The following PPIH variants were observed in gnomAD, a reference collection of about 807,000 sequenced individuals.
The protein encoded by PPIH is peptidyl-prolyl cis-trans isomerase H.
Under a neutral mutation model 27.6 loss-of-function variants are expected in PPIH, and 16 were observed. The observed-to-expected ratio is 0.58, with a 90% CI of 0.39 to 0.88. PPIH has a LOEUF of 0.88. PPIH is among the 40% of genes least tolerant of loss of function. The pLI is 0.00. For missense variants in PPIH, 155 were observed against 224.1 expected (o/e 0.69, Z 1.97); for synonymous variants, 63 against 76.1 (o/e 0.83, Z 0.90).
chr1:42,662,558 GA>G (rs1003029019), intron 5 of PPIH, among the ~76,000 whole-genome samples: 95 of 140,118 alleles, frequency 6.8e-4, no homozygotes, highest in Non-Finnish European at 6.1e-4. Flanking sequence ...TGTCTAAAGG[GA>G]AAAAAAAAAA....
Position 42,660,888 on chromosome 1 carries a change from G to T in PPIH, c.227G>T (p.Gly76Val). 6.2e-7 allele frequency: 1 copy of T among 1,611,132 alleles called. No homozygotes were observed. The highest frequency in any genetic ancestry group is 8.5e-7 in the Non-Finnish European group (1 of 1,177,986). Residue 76 changes from glycine (G) to valine (V), a missense_variant, in exon 5 of 10, where the codon GGT (glycine) becomes GTT (valine). This residue lies in a region of PPIH where 96 missense variants were observed against 175.3 expected (regional missense o/e 0.55). Coordinates refer to ENST00000304979, the MANE Select transcript of PPIH (RefSeq NM_006347.4). ...HRVIKDFMIQ[G>V]GDFVNGDGTG... ...GTCATAAAGGATTTCATGATTCAGGGTGGAGATTTTGTTAATGTAAGTACT... is the reference window on the plus strand; with the variant it reads ...GTCATAAAGGATTTCATGATTCAGGTTGGAGATTTTGTTAATGTAAGTACT...
At chr1:42,660,664 A>G (rs1340402629) in intron 4 of PPIH, among the ~76,000 whole-genome samples, 198 bp from the exon 5 acceptor site, 2 of 152,168 alleles carry the variant, frequency 1.3e-5, no homozygotes, top group African/African-American at 2.4e-5. Flanking sequence ...TCCTGGCCTC[A>G]TGTGATCTGC....
chr1:42,667,525 G>T (rs990663251), intron 9 of PPIH, 85 bp downstream of exon 9: 2 of 1,178,402 alleles, frequency 1.7e-6, no homozygotes, highest in Admixed American at 4.0e-5. Context: ...TAGTCTTGAA[G>T]ACATGAGATT....
intron 5 of PPIH, among the ~76,000 whole-genome samples, chr1:42,664,581 C>G (rs974930026): frequency 3.3e-5 from 5 of 152,112 alleles, no homozygotes; most frequent in Admixed American, 2.0e-4. Context: ...TGTTGCTGTT[C>G]CCTACTTTGT....
In PPIH at chr1:42,659,512, T is replaced by A. The variant is rs1383791053; in HGVS notation, c.156-10T>A. ...GCTGTCACTCCAAGTCTCTTTCTTT[T>A]CGGTTATAGGAAAGATGGGGTTCCA... is the stretch of plus-strand genomic sequence containing the variant. On this transcript the variant is annotated splice_polypyrimidine_tract_variant and intron_variant, in intron 3 of 9. Transcript: ENST00000304979. The A allele has an allele frequency of 1.2e-6, 2 of 1,614,216 alleles. 1 individual carries two copies. The highest frequency in any genetic ancestry group is 2.2e-5 in the South Asian group (2 of 91,086).
chr1:42,679,757 C>T (rs1160997830), downstream of PPIH, among the ~76,000 whole-genome samples: 1 of 152,214 alleles, frequency 6.6e-6, no homozygotes, highest in African/African-American at 2.4e-5. Flanking sequence ...TTTAAATGTC[C>T]TCAGTGTTGG....
At chr1:42,664,842 A>T in intron 5 of PPIH, 21 bp from the exon 6 acceptor site, 3 of 1,595,338 alleles carry the variant, frequency 1.9e-6, no homozygotes, top group Non-Finnish European at 2.6e-6. Context: ...AGTCACTAAT[A>T]CTTCCCTTCT....
chr1:42,671,742 C>T (rs1231538059), intron 9 of PPIH, among the ~76,000 whole-genome samples: 1 of 152,084 alleles, frequency 6.6e-6, no homozygotes, highest in Non-Finnish European at 1.5e-5. Flanking sequence ...AGGGGTTCTA[C>T]AGATGGGCAC....
intron 6 of PPIH, 147 bp from the exon 7 acceptor site, chr1:42,665,833 G>T: frequency 6.0e-6 from 4 of 671,610 alleles, no homozygotes; most frequent in Non-Finnish European, 8.1e-6. Flanking sequence ...TTGGATCCTA[G>T]CTTAGGCCCT....
At chr1:42,670,525 G>A (rs1035261623) in intron 9 of PPIH, among the ~76,000 whole-genome samples, 10 of 151,756 alleles carry the variant, frequency 6.6e-5, no homozygotes, top group Admixed American at 2.6e-4. Flanking sequence ...AACCCTCCCC[G>A]CTCTCCCCCA....
chr1:42,668,465 T>C (rs1170992789), intron 9 of PPIH, among the ~76,000 whole-genome samples: 9 of 152,068 alleles, frequency 5.9e-5, no homozygotes, highest in Non-Finnish European at 8.8e-5. Flanking sequence ...CTTGACACTT[T>C]ACCCCTAAGT....
chr1:42,659,073 A>G (rs1419843913), intron 2 of PPIH, among the ~76,000 whole-genome samples, 155 bp from the exon 3 acceptor site: 1 of 151,992 alleles, frequency 6.6e-6, no homozygotes, highest in Non-Finnish European at 1.5e-5. Context: ...TTCCCGTGTT[A>G]ATTTACGTTG....
At chr1:42,670,506 G>C (rs995180106) in intron 9 of PPIH, among the ~76,000 whole-genome samples, 1 of 151,890 alleles carries the variant, frequency 6.6e-6, no homozygotes, top group African/African-American at 2.4e-5. Flanking sequence ...TCTGAGGGTG[G>C]GGATCATCAA....
intron 9 of PPIH, 56 bp downstream of exon 9, chr1:42,667,496 G>C: frequency 1.4e-6 from 2 of 1,423,538 alleles, no homozygotes; most frequent in Non-Finnish European, 9.8e-7. Context: ...AAGGCAGCAT[G>C]GTCTAGTGGA....
At chr1:42,661,403 T>C (rs1232180711) in intron 5 of PPIH, among the ~76,000 whole-genome samples, 1 of 152,208 alleles carries the variant, frequency 6.6e-6, no homozygotes, top group African/African-American at 2.4e-5. Context: ...GAGAGGTAGA[T>C]AGTTCTGGAG....
intron 9 of PPIH, among the ~76,000 whole-genome samples, chr1:42,669,339 T>C (rs1446171310): frequency 6.6e-6 from 1 of 152,188 alleles, no homozygotes; most frequent in Non-Finnish European, 1.5e-5. Context: ...CCTGACTTCA[T>C]GTGATGGATC....
intron 2 of PPIH, 117 bp downstream of exon 2, chr1:42,659,025 C>A: frequency 2.2e-6 from 3 of 1,344,074 alleles, no homozygotes; most frequent in Non-Finnish European, 3.1e-6. Flanking sequence ...AGACCTGATT[C>A]CTCCATGCAT....
In PPIH at chr1:42,666,570, G is replaced by A. The variant is rs184485687; in HGVS notation, c.448G>A (p.Val150Met). The A allele has an allele frequency of 8.3e-4, 1,337 of 1,613,942 alleles. 13 individuals carry two copies. Among genetic ancestry groups the A allele is most frequent in the Non-Finnish European group, 1.6e-4 (192 of 1,179,862 alleles). ...AGGAAAAATCATCGATGGACTTCTAGTGATGAGAAAGATTGAGGTAAGTAC... is the reference window on the plus strand; with the variant it reads ...AGGAAAAATCATCGATGGACTTCTAATGATGAGAAAGATTGAGGTAAGTAC... ...VFGKIIDGLL[V>M]MRKIENVPTG... Residue 150 changes from valine (V) to methionine (M), a missense_variant, in exon 8 of 10, where the codon GTG (valine) becomes ATG (methionine). This residue lies in a region of PPIH where 96 missense variants were observed against 175.3 expected (regional missense o/e 0.55). Coordinates refer to ENST00000304979, the MANE Select transcript of PPIH (RefSeq NM_006347.4).
intron 4 of PPIH, 69 bp downstream of exon 4, chr1:42,659,635 GA>G (rs1223647655): frequency 6.4e-7 from 1 of 1,552,408 alleles, no homozygotes; most frequent in Admixed American, 2.1e-5. Flanking sequence ...CTCTTTAGAG[GA>G]AAATAAAACC....
Sources: gnomAD v4.1 joint callset for allele counts (sites outside exome capture counted in the v4.1 genomes callset) on GRCh38, gnomAD v4.1.1 for gene constraint, gnomAD v4.1.1 regional missense constraint, MANE v1.5 for transcripts, NCBI Gene and HGNC (gene_info 2026-07-23, HGNC 2026-07-21) for gene names.